Variants in ARID3C observed in about 807,000 individuals in gnomAD.
ARID3C encodes the protein AT-rich interaction domain 3C.
Under a neutral mutation model 37.9 loss-of-function variants are expected in ARID3C, and 42 were observed. That is an observed-to-expected ratio of 1.11 (90% confidence interval 0.87 to 1.43). The LOEUF (loss-of-function observed/expected upper bound fraction) is 1.43, where lower values mean the gene tolerates loss of function less well. Ranked by LOEUF, ARID3C falls within the 40% of genes most tolerant of loss-of-function variation. The pLI is 0.00. For synonymous variants in ARID3C, 213 were observed against 228.0 expected (o/e 0.93, Z 0.59); for missense variants, 581 against 548.8 (o/e 1.06, Z -0.59).
At chr9:34,624,640 G>A (rs973673801) in intron 2 of ARID3C, among the ~76,000 whole-genome samples, 7 of 152,222 alleles carry the variant, frequency 4.6e-5, no homozygotes, top group Admixed American at 6.5e-5. Context: ...TCCGCAGCCC[G>A]CGCCGCCCCC....
At chr9:34,632,997 G>C (rs1340293491), upstream of ARID3C, among the ~76,000 whole-genome samples, 1 of 152,034 alleles carries the variant, frequency 6.6e-6, no homozygotes, top group Non-Finnish European at 1.5e-5. Flanking sequence ...AAACAGAAGA[G>C]GTTTGAGGAC....
rs200075015 is a variant in ARID3C at position 34,622,510 on chromosome 9, G to T, written c.885C>A (p.Asn295Lys). The change falls in exon 5 of 7, where the codon AAC becomes AAA. Residue 295 changes from asparagine (N) to lysine (K), a missense_variant. By Grantham distance (94) the Asn-to-Lys change is moderately conservative. Transcript: ENST00000378909. Reference sequence around the variant, plus strand: ...GGCCCACAGGCAGTGCCAGACAAGGGTTTGGAATTCCACTCTCCTCTAGAA... The same window carrying T: ...GGCCCACAGGCAGTGCCAGACAAGGTTTTGGAATTCCACTCTCCTCTAGAA... 41 of 1,608,176 alleles carry T rather than the reference G, an allele frequency of 2.5e-5. No homozygotes were observed. Among genetic ancestry groups the T allele is most frequent in the Middle Eastern group, 3.3e-4 (2 of 6,020 alleles).
exon 1 of ARID3C, chr9:34,627,948 A>G: frequency 1.3e-6 from 2 of 1,550,324 alleles, no homozygotes; most frequent in Non-Finnish European, 1.7e-6. Context: ...AGCAGCGGGC[A>G]TGCAGGGGCC....
exon 1 of ARID3C, chr9:34,627,873 C>G: frequency 6.3e-7 from 1 of 1,579,662 alleles, no homozygotes. Flanking sequence ...TCAGCCCCAA[C>G]ATTCCCCAAG....
At chr9:34,622,218 C>T (rs1820578971) in intron 5 of ARID3C, 109 bp from the exon 7 acceptor site, 4 of 1,573,988 alleles carry the variant, frequency 2.5e-6, no homozygotes, top group Non-Finnish European at 3.5e-6. Context: ...CACTTCAGCC[C>T]CACACCTATA....
chr9:34,621,664 C>CT, intron 6 of ARID3C, 106 bp from the exon 8 acceptor site: 3 of 824,746 alleles, frequency 3.6e-6, no homozygotes, highest in South Asian at 1.7e-5. Context: ...TGCTAGAACA[C>CT]TACACACGTA....
chr9:34,623,424 C>T lies in ARID3C; in HGVS notation c.865+1G>A. On this transcript the variant is annotated splice_donor_variant, in intron 4 of 6. Transcript: ENST00000378909. LOFTEE classifies it high-confidence loss of function. Reference sequence around the variant, plus strand: ...AAACCTCTACCATTCTCCCCTCGCACCTTTCTTAATAGGGCTTGGACTCAG... The same window carrying T: ...AAACCTCTACCATTCTCCCCTCGCATCTTTCTTAATAGGGCTTGGACTCAG... 6.7e-7 allele frequency: 1 copy of T among 1,495,680 alleles called. No homozygotes were observed. The highest frequency in any genetic ancestry group is 8.9e-7 in the Non-Finnish European group (1 of 1,123,942). The allele number at this position is 1,495,680 out of a possible 1,614,324, so 92.7% of individuals were successfully genotyped here. A position where few individuals can be genotyped will look rare whatever the true frequency, so the allele number is the denominator to read the frequency against.
upstream of ARID3C, among the ~76,000 whole-genome samples, chr9:34,629,756 T>C (rs1820706456): frequency 6.6e-6 from 1 of 152,172 alleles, no homozygotes; most frequent in East Asian, 1.9e-4. Flanking sequence ...TTTCTTTCTT[T>C]TCTTTTTTTT....
chr9:34,626,358 G>C (rs1011907809), intron 1 of ARID3C, among the ~76,000 whole-genome samples: 3 of 152,162 alleles, frequency 2.0e-5, no homozygotes, highest in Non-Finnish European at 4.4e-5. Context: ...GGGCCCTTCA[G>C]CTCATCTTCT....
At chr9:34,623,551 C>T (rs760628147) in exon 4 of ARID3C, 3 of 1,599,524 alleles carry the variant, frequency 1.9e-6, no homozygotes, top group East Asian at 2.2e-5. Flanking sequence ...AAGGCTGGGT[C>T]CTGAGCGCCC....
chr9:34,625,072 GC>G (rs1564091456), intron 2 of ARID3C, among the ~76,000 whole-genome samples: 1 of 152,044 alleles, frequency 6.6e-6, no homozygotes, highest in African/African-American at 2.4e-5. Context: ...CGGTGGGGGG[GC>G]GGGGGGTAAC....
chr9:34,621,404 G>T, exon 7 of ARID3C: 3 of 1,246,898 alleles, frequency 2.4e-6, no homozygotes, highest in Non-Finnish European at 3.3e-6. Context: ...AAAGCAGGGG[G>T]TCTCCTCCCC....
chr9:34,623,481 G>A lies in ARID3C; in HGVS notation c.809C>T (p.Thr270Ile), dbSNP rs1346092550. ...GCATGCATGCGCTGGCAGGCCGGAGGTGGAACCCTGGGCTGGGCCAGGGCT... is the reference window on the plus strand; with the variant it reads ...GCATGCATGCGCTGGCAGGCCGGAGATGGAACCCTGGGCTGGGCCAGGGCT... The change falls in exon 4 of 7, where the codon ACC (threonine) becomes ATC (isoleucine). Residue 270 changes from threonine (T) to isoleucine (I), a missense_variant. By Grantham distance (89) the Thr-to-Ile change is moderately conservative (BLOSUM62 -1). Coordinates refer to ENST00000378909, the Ensembl canonical transcript of ARID3C. The A allele has an allele frequency of 2.6e-6, 4 of 1,541,258 alleles. No homozygotes were observed. The African/African-American group carries it at 4.2e-5, about 16-fold the overall frequency.
chr9:34,624,167 G>T, intron 2 of ARID3C, 120 bp from the exon 4 acceptor site: 1 of 1,214,384 alleles, frequency 8.2e-7, no homozygotes, highest in Non-Finnish European at 1.1e-6. Context: ...CTTGGGCGGA[G>T]CCCACAGAAC....
exon 4 of ARID3C, chr9:34,623,642 G>A: frequency 2.5e-6 from 4 of 1,601,284 alleles, no homozygotes; most frequent in Non-Finnish European, 3.4e-6. Flanking sequence ...TGCTGTCTAT[G>A]GCGGCCTGGA....
At chr9:34,622,074 T>C (rs750672288) in exon 6 of ARID3C, 1 of 1,614,124 alleles carries the variant, frequency 6.2e-7, no homozygotes, top group South Asian at 1.1e-5. Flanking sequence ...CTGATGCCAC[T>C]GCCTGCCAGA....
chr9:34,632,528 T>C (rs1282336397), upstream of ARID3C, among the ~76,000 whole-genome samples: 2 of 152,030 alleles, frequency 1.3e-5, no homozygotes, highest in Non-Finnish European at 2.9e-5. Context: ...CCACACAAGA[T>C]GCATGCGTGA....
At chr9:34,628,877 C>T (rs1457222564), upstream of ARID3C, among the ~76,000 whole-genome samples, 1 of 152,078 alleles carries the variant, frequency 6.6e-6, no homozygotes, top group South Asian at 2.1e-4. The surrounding 1 kb of genome is among the most constrained non-coding windows in gnomAD (Gnocchi z 5.2). Flanking sequence ...AGTCGCGACG[C>T]CCGGCTCCCT....
upstream of ARID3C, among the ~76,000 whole-genome samples, chr9:34,632,935 G>A (rs760660474): frequency 2.0e-5 from 3 of 152,136 alleles, no homozygotes; most frequent in Non-Finnish European, 4.4e-5. Context: ...CAAAAATTTA[G>A]AAGTCAAGAT....
Sources: allele counts gnomAD v4.1 joint callset (sites outside exome capture counted in the v4.1 genomes callset), GRCh38; gene constraint gnomAD v4.1.1; non-coding constraint Gnocchi (gnomAD v3.1); transcripts MANE v1.5; gene names NCBI Gene and HGNC (gene_info 2026-07-23, HGNC 2026-07-21).